Variants in COMMD1 observed in about 807,000 individuals in gnomAD.
COMMD1 encodes the protein copper metabolism domain containing 1, also known as COMM domain-containing protein 1.
A neutral mutation model predicts 17.2 loss-of-function variants in COMMD1; 10 were observed. The observed-to-expected ratio is 0.58, with a 90% CI of 0.36 to 0.99. The LOEUF (loss-of-function observed/expected upper bound fraction) is 0.99, where lower values mean the gene tolerates loss of function less well. Among genes scored for constraint, COMMD1 ranks in the 50% least tolerant of loss-of-function variants. COMMD1 has a pLI of 0.01. For missense variants in COMMD1, 270 were observed against 231.8 expected, an observed-to-expected ratio of 1.17 and a Z score of -1.07; for synonymous variants, 97 against 91.6, an observed-to-expected ratio of 1.06 and a Z score of -0.34.
intron 2 of COMMD1, among the ~76,000 whole-genome samples, chr2:62,002,307 A>G (rs1026643191): frequency 6.6e-6 from 1 of 151,676 alleles, no homozygotes; most frequent in Non-Finnish European, 1.5e-5. Flanking sequence ...CCTGGCCAAC[A>G]TGGTGAAACC....
chr2:61,964,828 A>G (rs915066209), intron 1 of COMMD1, among the ~76,000 whole-genome samples: 1 of 152,108 alleles, frequency 6.6e-6, no homozygotes, highest in Non-Finnish European at 1.5e-5. Flanking sequence ...AGCTGGGATC[A>G]TGCCACTGCA....
chr2:61,950,063 C>T (rs1288310364), intron 1 of COMMD1, among the ~76,000 whole-genome samples: 8 of 152,106 alleles, frequency 5.3e-5, no homozygotes, highest in Admixed American at 3.9e-4. Context: ...TGACAGTACC[C>T]GAAGAACTAG....
At chr2:62,026,894 C>T (rs1203837267) in intron 2 of COMMD1, among the ~76,000 whole-genome samples, 1 of 152,038 alleles carries the variant, frequency 6.6e-6, no homozygotes, top group Non-Finnish European at 1.5e-5. Flanking sequence ...TCAGTCTTTC[C>T]AAAGCTTATC....
chr2:61,969,963 G>C (rs1216452929), intron 1 of COMMD1, among the ~76,000 whole-genome samples: 7 of 151,852 alleles, frequency 4.6e-5, no homozygotes, highest in Non-Finnish European at 1.0e-4. Flanking sequence ...AGCAGAATGA[G>C]AATAATCATA....
chr2:62,023,616 T>C (rs900664527), intron 2 of COMMD1, among the ~76,000 whole-genome samples: 1 of 152,118 alleles, frequency 6.6e-6, no homozygotes, highest in African/African-American at 2.4e-5. Flanking sequence ...CCTGAGTAGC[T>C]GGGAGTACAG....
intron 2 of COMMD1, among the ~76,000 whole-genome samples, chr2:62,078,799 C>T (rs1479254688): frequency 6.6e-6 from 1 of 151,622 alleles, no homozygotes; most frequent in African/African-American, 2.4e-5. Flanking sequence ...ATGGCGTGAA[C>T]CCGGGAGGCG....
At chr2:61,934,159 G>A (rs967188042) in intron 1 of COMMD1, among the ~76,000 whole-genome samples, 2 of 152,132 alleles carry the variant, frequency 1.3e-5, no homozygotes, top group Non-Finnish European at 2.9e-5. Context: ...ATAGGGGTGT[G>A]TGTCAGGGGA....
chr2:62,093,147 A>G (rs891250055), intron 2 of COMMD1, among the ~76,000 whole-genome samples: 1 of 152,204 alleles, frequency 6.6e-6, no homozygotes, highest in Non-Finnish European at 1.5e-5. Flanking sequence ...GCCCTCCAAC[A>G]AGGAAATCTT....
At chr2:62,092,267 A>AT (rs1378495499) in intron 2 of COMMD1, among the ~76,000 whole-genome samples, 1 of 152,230 alleles carries the variant, frequency 6.6e-6, no homozygotes, top group Non-Finnish European at 1.5e-5. Context: ...CAGTTAAAAC[A>AT]TTCAGGGTTT....
In COMMD1 at chr2:62,122,896, C is replaced by T. The variant is rs915885327; in HGVS notation, c.463-12935C>T. ...TTAGAATCTCATTGCCTTGTTAACG[C>T]ACAGGCCCTGAGCCTGCAGATAAAA... On this transcript the variant is annotated intron_variant, in intron 2 of 2. Coordinates refer to ENST00000311832, the MANE Select transcript of COMMD1 (RefSeq NM_152516.4). Among the ~76,000 whole-genome samples the T allele has an allele frequency of 2.0e-5, 3 of 152,228 alleles. No individual in the cohort carries two copies. In the South Asian group the frequency reaches 6.2e-4, roughly 31 times the overall value.
intron 1 of COMMD1, among the ~76,000 whole-genome samples, chr2:61,970,850 A>T (rs1257083769): frequency 6.6e-6 from 1 of 152,194 alleles, no homozygotes; most frequent in Non-Finnish European, 1.5e-5. Context: ...GTTGCAAGTT[A>T]TTAGGCTGCA....
At chr2:61,985,281 A>AC (rs1672076174) in intron 1 of COMMD1, among the ~76,000 whole-genome samples, 1 of 152,022 alleles carries the variant, frequency 6.6e-6, no homozygotes, top group Admixed American at 6.5e-5. Flanking sequence ...CGATCTCCTG[A>AC]CCTGGTGATC....
chr2:62,102,184 T>C (rs1039113380), intron 2 of COMMD1, among the ~76,000 whole-genome samples: 2 of 152,196 alleles, frequency 1.3e-5, no homozygotes, highest in Admixed American at 1.3e-4. Flanking sequence ...TCACCTGAAG[T>C]ATGAAGTCCT....
chr2:62,045,572 T>C (rs1458960258), intron 2 of COMMD1, among the ~76,000 whole-genome samples: 2 of 151,442 alleles, frequency 1.3e-5, no homozygotes, highest in African/African-American at 2.4e-5. Context: ...TTTTTTTTTT[T>C]TGTATTTTTA....
intron 2 of COMMD1, among the ~76,000 whole-genome samples, chr2:62,044,002 G>A (rs1165986433): frequency 2.0e-5 from 3 of 152,032 alleles, no homozygotes; most frequent in African/African-American, 7.2e-5. Flanking sequence ...TGGGGGAGAG[G>A]GGGAATCCAA....
Position 62,000,752 on chromosome 2 carries a change from G to A in COMMD1, c.232G>A (p.Ala78Thr). ...CAACCAGCTGGAGGCATTCTTGACT[G>A]CTCAAACCAAAAAGCAAGGTGGGAT... Reference protein sequence around the residue: ...DFNQLEAFLTAQTKKQGGITS... With the variant: ...DFNQLEAFLTTQTKKQGGITS... The change falls in exon 2 of 3, where the codon GCT (alanine) becomes ACT (threonine). Residue 78 changes from alanine (A) to threonine (T), a missense_variant. Coordinates refer to ENST00000311832, the MANE Select transcript of COMMD1 (RefSeq NM_152516.4). 1.2e-6 allele frequency: 2 copies of A among 1,614,136 alleles called. No individual in the cohort carries two copies. The highest frequency in any genetic ancestry group is 1.1e-5 in the South Asian group (1 of 91,086).
At chr2:61,951,735 G>A (rs550352960) in intron 1 of COMMD1, among the ~76,000 whole-genome samples, 20 of 152,212 alleles carry the variant, frequency 1.3e-4, no homozygotes, top group African/African-American at 4.3e-4. Context: ...ACATGATAGC[G>A]AACATATCTA....
intron 1 of COMMD1, among the ~76,000 whole-genome samples, chr2:61,894,592 C>A (rs1254104979): frequency 1.3e-5 from 2 of 151,198 alleles, no homozygotes; most frequent in South Asian, 4.2e-4. Flanking sequence ...TTAAGAAAAT[C>A]AAAATATACT....
At chr2:61,892,479 G>T (rs561750764) in intron 1 of COMMD1, among the ~76,000 whole-genome samples, 1 of 151,902 alleles carries the variant, frequency 6.6e-6, no homozygotes, top group Non-Finnish European at 1.5e-5. Flanking sequence ...GATCAGCTGA[G>T]GTCAGGGGAT....
Sources: gnomAD v4.1 joint callset for allele counts (sites outside exome capture counted in the v4.1 genomes callset) on GRCh38, gnomAD v4.1.1 for gene constraint, MANE v1.5 for transcripts, NCBI Gene and HGNC (gene_info 2026-07-23, HGNC 2026-07-21) for gene names.